The following RALGPS1 variants were observed in gnomAD, a reference collection of about 807,000 sequenced individuals.
The protein encoded by RALGPS1 is Ral GEF with PH domain and SH3 binding motif 1.
A neutral mutation model predicts 78.8 loss-of-function variants in RALGPS1; 19 were observed. That is an observed-to-expected ratio of 0.24 (90% CI 0.17 to 0.35). The LOEUF (loss-of-function observed/expected upper bound fraction) is 0.35. Among genes scored for constraint, RALGPS1 ranks in the 10% least tolerant of loss-of-function variants. The probability of loss-of-function intolerance (pLI) is 1.00; values close to 1 mark genes in which losing one functional copy is unlikely to be tolerated. For synonymous variants in RALGPS1, 228 were observed against 256.3 expected (o/e 0.89, Z 1.06); for missense variants, 454 against 688.3 (o/e 0.66, Z 3.81).
intron 4 of RALGPS1, among the ~76,000 whole-genome samples, chr9:126,997,206 T>G (rs1024265012): frequency 6.6e-6 from 1 of 152,090 alleles, no homozygotes; most frequent in African/African-American, 2.4e-5. Flanking sequence ...GAGAAGGAAA[T>G]AAAGGGTATT....
At chr9:126,928,933 A>G (rs1330177644) in intron 1 of RALGPS1, among the ~76,000 whole-genome samples, 2 of 152,058 alleles carry the variant, frequency 1.3e-5, no homozygotes, top group Non-Finnish European at 2.9e-5. Flanking sequence ...GAGTTCTTGG[A>G]TATGTTACCT....
chr9:127,077,431 C>T (rs2050774001), intron 8 of RALGPS1, among the ~76,000 whole-genome samples: 2 of 152,162 alleles, frequency 1.3e-5, no homozygotes, highest in African/African-American at 2.4e-5. Flanking sequence ...TCCATTTGTG[C>T]GTTTCAGCTG....
chr9:127,021,417 C>T (rs917140515), intron 4 of RALGPS1, among the ~76,000 whole-genome samples: 2 of 150,706 alleles, frequency 1.3e-5, no homozygotes, highest in African/African-American at 4.9e-5. Flanking sequence ...AGGAGAATTG[C>T]TTGAATCCTG....
intron 8 of RALGPS1, among the ~76,000 whole-genome samples, chr9:127,151,403 T>C (rs1364018085): frequency 6.6e-6 from 1 of 152,124 alleles, no homozygotes; most frequent in African/African-American, 2.4e-5. Flanking sequence ...ATCAAAGCAA[T>C]TGACATATCA....
intron 14 of RALGPS1, among the ~76,000 whole-genome samples, chr9:127,202,786 C>T (rs750581896): frequency 5.9e-5 from 9 of 152,224 alleles, no homozygotes; most frequent in Non-Finnish European, 8.8e-5. Context: ...TTCTCTGTGA[C>T]TCCACCTAGT....
chr9:127,055,976 T>C (rs2048709796), intron 7 of RALGPS1, among the ~76,000 whole-genome samples: 1 of 152,120 alleles, frequency 6.6e-6, no homozygotes, highest in African/African-American at 2.4e-5. Context: ...AGGGAGGGGA[T>C]GTGCAGCCAA....
chr9:126,984,635 A>C (rs577648645), intron 4 of RALGPS1, among the ~76,000 whole-genome samples: 2 of 152,290 alleles, frequency 1.3e-5, no homozygotes, highest in South Asian at 4.1e-4. Flanking sequence ...TGTTTCAGTC[A>C]GTTATAGTCA....
chr9:127,151,219 G>T lies in RALGPS1; in HGVS notation c.611-14850G>T, dbSNP rs149170588. Among the ~76,000 whole-genome samples, 428 of 151,632 alleles carry T rather than the reference G, an allele frequency of 2.8e-3. 2 individuals carry two copies. The highest frequency in any genetic ancestry group is 9.7e-3 in the African/African-American group (403 of 41,350). On this transcript the variant is annotated intron_variant, in intron 8 of 18. Coordinates refer to ENST00000259351, the MANE Select transcript of RALGPS1 (RefSeq NM_014636.3). Reference sequence around the variant, plus strand: ...AGAGAAAAAAAGAGTGAATTCAGAAGTTGACAGCTGCTGCTGCCGCCGGTC... The same window carrying T: ...AGAGAAAAAAAGAGTGAATTCAGAATTTGACAGCTGCTGCTGCCGCCGGTC...
At chr9:127,098,261 A>T (rs1268019270) in intron 8 of RALGPS1, among the ~76,000 whole-genome samples, 2 of 152,212 alleles carry the variant, frequency 1.3e-5, no homozygotes, top group Non-Finnish European at 2.9e-5. Context: ...GCAGTGGGCA[A>T]AGCGCTCCCT....
chr9:127,207,710 C>A (rs1425871607), intron 14 of RALGPS1, among the ~76,000 whole-genome samples: 1 of 152,082 alleles, frequency 6.6e-6, no homozygotes, highest in Non-Finnish European at 1.5e-5. Context: ...CCAGAGTTGC[C>A]CTGCCCAGCA....
chr9:127,124,930 A>G (rs746925176), intron 8 of RALGPS1, among the ~76,000 whole-genome samples: 7 of 152,184 alleles, frequency 4.6e-5, no homozygotes, highest in African/African-American at 9.7e-5. Flanking sequence ...TCACTATTCA[A>G]AGTTCTTAGG....
chr9:127,095,855 G>C (rs955502358), intron 8 of RALGPS1, among the ~76,000 whole-genome samples: 1 of 152,324 alleles, frequency 6.6e-6, no homozygotes, highest in Middle Eastern at 3.4e-3. Flanking sequence ...AAGAAGCCTT[G>C]TGTTTGAGCA....
chr9:127,126,904 T>C (rs1028101619), intron 8 of RALGPS1, among the ~76,000 whole-genome samples: 2 of 152,268 alleles, frequency 1.3e-5, no homozygotes, highest in African/African-American at 4.8e-5. Context: ...CACATGTCTA[T>C]AATTTTTTAT....
rs566969288 is a variant in RALGPS1, at chr9:127,147,324, G to A, written c.611-18745G>A. Among the ~76,000 whole-genome samples, 50 of 152,252 alleles carry A rather than the reference G, an allele frequency of 3.3e-4. No individual in the cohort carries two copies. The East Asian group carries it at 9.1e-3, about 28-fold the overall frequency. On this transcript the variant is annotated intron_variant, in intron 8 of 18. Coordinates refer to ENST00000259351, the MANE Select transcript of RALGPS1 (RefSeq NM_014636.3). ...GTGAATATCATCACCCATTATGTAG[G>A]CTGTCTGCTTACTCTGTTGATAGTT...
chr9:126,962,307 T>C lies in RALGPS1; in HGVS notation c.18T>C (p.Gly6=). The change falls in exon 2 of 19, where the codon GGT becomes GGC. Residue 6 remains glycine (G), a synonymous_variant. Coordinates refer to ENST00000259351, the MANE Select transcript of RALGPS1 (RefSeq NM_014636.3). The stretch of plus-strand genomic sequence containing the variant: ...TGGAGACTATGTACAAGAGGAATGG[T>C]CTGATGGCTAGCGTGTTGGTCACCT... MYKRN[G]LMASVLVTSA... is the part of the protein sequence containing the mutation. The C allele has an allele frequency of 6.2e-7, 1 of 1,614,180 alleles. No homozygotes were observed. Among genetic ancestry groups the C allele is most frequent in the Non-Finnish European group, 8.5e-7 (1 of 1,180,014 alleles).
At chr9:127,039,808 A>G (rs1379032747) in intron 5 of RALGPS1, among the ~76,000 whole-genome samples, 1 of 152,050 alleles carries the variant, frequency 6.6e-6, no homozygotes, top group Non-Finnish European at 1.5e-5. Context: ...TGGGGCGAGA[A>G]GATTGATGGG....
chr9:127,148,462 C>G (rs908241521), intron 8 of RALGPS1, among the ~76,000 whole-genome samples: 1 of 152,248 alleles, frequency 6.6e-6, no homozygotes, highest in African/African-American at 2.4e-5. Context: ...AAGTGCTTAG[C>G]AGCTACTTGG....
chr9:126,941,414 C>T (rs1240971723), intron 1 of RALGPS1, among the ~76,000 whole-genome samples: 1 of 151,980 alleles, frequency 6.6e-6, no homozygotes, highest in African/African-American at 2.4e-5. Context: ...TCAAAATATC[C>T]CATATACCCC....
At chr9:127,032,068 G>A (rs1384602225) in intron 4 of RALGPS1, among the ~76,000 whole-genome samples, 1 of 152,248 alleles carries the variant, frequency 6.6e-6, no homozygotes, top group Admixed American at 6.5e-5. Context: ...TAACAGCAGC[G>A]TGCCCCTGGG....
Sources: gnomAD v4.1 joint callset for allele counts (sites outside exome capture counted in the v4.1 genomes callset) on GRCh38, gnomAD v4.1.1 for gene constraint, MANE v1.5 for transcripts, NCBI Gene and HGNC (gene_info 2026-07-23, HGNC 2026-07-21) for gene names.